PCDHA6: variants seen among roughly 807,000 people sequenced by gnomAD.
The protein encoded by PCDHA6 is protocadherin alpha 6.
Under a neutral mutation model 60.3 loss-of-function variants are expected in PCDHA6, and 55 were observed. The ratio of observed to expected loss-of-function variants is 0.91; its 90% CI spans 0.73 to 1.14. The LOEUF is 1.14. Ranked by LOEUF, PCDHA6 falls within the 50% of genes most tolerant of loss-of-function variation. The probability of loss-of-function intolerance (pLI) is 0.00; values close to 1 mark genes in which losing one functional copy is unlikely to be tolerated. For synonymous variants in PCDHA6, 652 were observed against 557.9 expected (o/e 1.17, Z -2.38); for missense variants, 1,327 against 1,256.5 (o/e 1.06, Z -0.85).
At chr5:140,900,494 C>G (rs2068089293) in intron 1 of PCDHA6, among the ~76,000 whole-genome samples, 1 of 152,202 alleles carries the variant, frequency 6.6e-6, no homozygotes, top group Admixed American at 6.5e-5. Context: ...TCAGACTGGT[C>G]TCAAATTCCC....
intron 1 of PCDHA6, chr5:140,871,378 T>C: frequency 6.2e-7 from 1 of 1,614,188 alleles, no homozygotes; most frequent in South Asian, 1.1e-5. Context: ...GAGGGTGTGC[T>C]CTGAGGAGGG....
chr5:140,857,815 G>A (rs782354426), intron 1 of PCDHA6: 2 of 1,597,792 alleles, frequency 1.3e-6, no homozygotes, highest in East Asian at 4.5e-5. Context: ...CGGGTCACGT[G>A]GTGGCTAAGG....
intron 1 of PCDHA6, chr5:140,883,357 T>C: frequency 6.2e-7 from 1 of 1,614,094 alleles, no homozygotes; most frequent in Non-Finnish European, 8.5e-7. Context: ...GAGAAGACAC[T>C]CAGCCTAGCG....
chr5:140,828,812 A>C lies in PCDHA6; in HGVS notation c.721A>C (p.Thr241Pro). ...TVLDVNDNAP[T>P]FEQSEYEVRI... ...GCTGGATGTGAATGATAATGCTCCC[A>C]CTTTCGAACAGTCTGAATACGAAGT... Residue 241 changes from threonine (T) to proline (P), a missense_variant, in exon 1 of 4, where the codon ACT (threonine) becomes CCT (proline). Thr to Pro is a conservative substitution (Grantham distance 38). Transcript: ENST00000529310. 6.2e-7 allele frequency: 1 copy of C among 1,614,228 alleles called. No homozygotes were observed. Among genetic ancestry groups the C allele is most frequent in the Non-Finnish European group, 8.5e-7 (1 of 1,180,040 alleles).
rs144694616 is a variant in PCDHA6, at chr5:140,836,586, G to T, written c.2394+6101G>T. ...GTCCTCTGAGGGCGCATGTAGTTTG[G>T]TAAAGCCCACTCTGGTGTGCTCCAG... On this transcript the variant is annotated intron_variant, in intron 1 of 3. Coordinates refer to ENST00000529310, the MANE Select transcript of PCDHA6 (RefSeq NM_018909.4). The T allele has an allele frequency of 5.6e-6, 9 of 1,613,634 alleles. No homozygotes were observed. The Admixed American group carries it at 1.3e-4, about 24-fold the overall frequency.
At chr5:140,835,478 A>G (rs2150236474) in intron 1 of PCDHA6, 1 of 1,613,898 alleles carries the variant, frequency 6.2e-7, no homozygotes. Context: ...ACGCCCAACC[A>G]GGTACCGTCA....
chr5:141,008,329 T>C (rs2098370202), intron 3 of PCDHA6, among the ~76,000 whole-genome samples: 1 of 152,192 alleles, frequency 6.6e-6, no homozygotes, highest in Non-Finnish European at 1.5e-5. Context: ...AAACAGTTTA[T>C]TTGATGGAGC....
intron 1 of PCDHA6, chr5:140,862,359 CG>C: frequency 3.0e-6 from 1 of 337,856 alleles, no homozygotes; most frequent in Non-Finnish European, 5.8e-6. Flanking sequence ...AAGGGACAGA[CG>C]ACCCGCACCC....
chr5:140,834,297 C>A, intron 1 of PCDHA6: 1 of 1,251,394 alleles, frequency 8.0e-7, no homozygotes, highest in Non-Finnish European at 1.1e-6. Context: ...AATGGCCACA[C>A]ATCGAGATTG....
intron 1 of PCDHA6, among the ~76,000 whole-genome samples, chr5:140,906,517 TACTC>T (rs2072719927): frequency 2.0e-5 from 3 of 152,358 alleles, no homozygotes; most frequent in Admixed American, 6.5e-5. Context: ...AAGGAGGAAA[TACTC>T]ACGACAATTA....
chr5:140,877,096 G>C (rs1554169320), intron 1 of PCDHA6: 1 of 1,613,378 alleles, frequency 6.2e-7, no homozygotes, highest in Non-Finnish European at 8.5e-7. Flanking sequence ...CGACGCCGGC[G>C]TGCCGCCTCT....
chr5:140,980,015 G>A (rs1164072132), intron 2 of PCDHA6, among the ~76,000 whole-genome samples: 2 of 152,192 alleles, frequency 1.3e-5, no homozygotes, highest in East Asian at 3.9e-4. Flanking sequence ...CATTACAAAT[G>A]AGCAGAAATC....
chr5:141,009,374 G>C (rs567366098), intron 3 of PCDHA6, among the ~76,000 whole-genome samples: 1 of 152,216 alleles, frequency 6.6e-6, no homozygotes, highest in African/African-American at 2.4e-5. Context: ...TGGGAGGATT[G>C]ATTGAGCACA....
chr5:140,936,134 C>A (rs782197390), intron 1 of PCDHA6, among the ~76,000 whole-genome samples: 1 of 152,176 alleles, frequency 6.6e-6, no homozygotes, highest in Non-Finnish European at 1.5e-5. Context: ...CTTAAGTGAT[C>A]TGCCCGCCTT....
chr5:140,911,405 C>T (rs565928237), intron 1 of PCDHA6, among the ~76,000 whole-genome samples: 45 of 152,276 alleles, frequency 3.0e-4, no homozygotes, highest in South Asian at 1.5e-3. Flanking sequence ...AGGTCAGCCA[C>T]TGGTATGATA....
At chr5:140,834,300 C>T (rs111598234) in intron 1 of PCDHA6, 1 of 1,283,798 alleles carries the variant, frequency 7.8e-7, no homozygotes, top group Non-Finnish European at 1.1e-6. Context: ...GGCCACACAT[C>T]GAGATTGAAA....
intron 1 of PCDHA6, chr5:140,848,959 A>C (rs1554142632): frequency 1.9e-6 from 3 of 1,606,524 alleles, no homozygotes; most frequent in Admixed American, 3.4e-5. Context: ...TTTCCACTAG[A>C]GGGCGCGTCC....
intron 1 of PCDHA6, among the ~76,000 whole-genome samples, chr5:140,976,505 C>T (rs538128648): frequency 3.3e-5 from 5 of 152,122 alleles, no homozygotes; most frequent in East Asian, 3.9e-4. Flanking sequence ...GAGCCAAGAT[C>T]GCGCCACTGC....
At chr5:140,983,034 C>T (rs923296416) in intron 3 of PCDHA6, among the ~76,000 whole-genome samples, 1 of 151,944 alleles carries the variant, frequency 6.6e-6, no homozygotes, top group Non-Finnish European at 1.5e-5. Context: ...GATGGTTTCT[C>T]ATGGAAGTGG....
Sources: gnomAD v4.1 joint callset for allele counts (sites outside exome capture counted in the v4.1 genomes callset) on GRCh38, gnomAD v4.1.1 for gene constraint, MANE v1.5 for transcripts, NCBI Gene and HGNC (gene_info 2026-07-23, HGNC 2026-07-21) for gene names.